HAUS3: variants seen among roughly 807,000 people sequenced by gnomAD.
HAUS3 encodes HAUS augmin-like complex subunit 3.
HAUS3 carries 36 observed loss-of-function variants against 55.2 expected under a neutral mutation model. That is an observed-to-expected ratio of 0.65 (90% CI 0.50 to 0.86). HAUS3 has a LOEUF of 0.86. Among genes scored for constraint, HAUS3 ranks in the 40% least tolerant of loss-of-function variants. HAUS3 has a pLI of 0.00. For synonymous variants in HAUS3, 234 were observed against 238.6 expected (o/e 0.98, Z 0.18); for missense variants, 752 against 671.5 (o/e 1.12, Z -1.33).
intron 1 of HAUS3, 97 bp downstream of exon 1, chr4:2,241,954 G>C: frequency 1.0e-6 from 1 of 985,524 alleles, no homozygotes; most frequent in Non-Finnish European, 1.2e-6. Flanking sequence ...CCCCAGGAGC[G>C]CAGGAAAAAA....
At position 2,240,632 on chromosome 4, in the gene HAUS3, C is replaced by G. The variant is rs1734948833; in HGVS notation, c.315G>C (p.Glu105Asp). Residue 105 changes from glutamate to aspartate, a missense_variant, in exon 3 of 6, where the codon GAG (glutamate) becomes GAC (aspartate). By Grantham distance (45) the Glu-to-Asp change is conservative. Transcript: ENST00000443786. ...DDKELEKLEDEVQTLLKLKNL... is the reference protein window; with the variant it reads ...DDKELEKLEDDVQTLLKLKNL... ...TCTTTAATTTCAGTAGAGTTTGAAC[C>G]TCATCCTCTAATTTCTCCAGCTCTT... is the stretch of plus-strand genomic sequence containing the variant. 1 of 1,613,540 alleles carries G rather than the reference C, an allele frequency of 6.2e-7. No individual in the cohort carries two copies. Among genetic ancestry groups the G allele is most frequent in the Admixed American group, 1.7e-5 (1 of 59,904 alleles).
chr4:2,230,361 T>C lies in HAUS3; in HGVS notation c.*1566A>G, dbSNP rs1734537022. On this transcript the variant is annotated 3_prime_UTR_variant, in exon 6 of 6. Coordinates refer to ENST00000443786, the MANE Select transcript of HAUS3 (RefSeq NM_001303143.2). ...ATATGTGACACTAATTTAAACAGAA[T>C]ATGCTACCATAAACCAGGAAACCAG... The C allele has an allele frequency of 6.6e-6, 1 of 152,062 alleles. No homozygotes were observed. The highest frequency in any genetic ancestry group is 1.5e-5 in the Non-Finnish European group (1 of 67,994). The allele number at this position is 152,062 out of a possible 1,614,324, so 9.4% of individuals were successfully genotyped here.
chr4:2,232,946 C>T (rs1734635234), intron 5 of HAUS3, among the ~76,000 whole-genome samples: 1 of 152,118 alleles, frequency 6.6e-6, no homozygotes, highest in Non-Finnish European at 1.5e-5. Flanking sequence ...TCATAATTAT[C>T]TGAGGTACTT....
At position 2,238,997 on chromosome 4, in the gene HAUS3, C is replaced by T. The variant is rs139798656; in HGVS notation, c.956G>A (p.Ser319Asn). The change falls in exon 4 of 6, where the codon AGT becomes AAT. Residue 319 changes from serine (S) to asparagine (N), a missense_variant. Coordinates refer to ENST00000443786, the MANE Select transcript of HAUS3 (RefSeq NM_001303143.2). ...NLDAKISSLT[S>N]EIMKLEKEVT... ...CTCTTTTTCAAGTTTCATAATCTCACTGGTCAAGCTAGAAATTTTAGCATC... is the reference window on the plus strand; with the variant it reads ...CTCTTTTTCAAGTTTCATAATCTCATTGGTCAAGCTAGAAATTTTAGCATC... The T allele has an allele frequency of 3.0e-4, 471 of 1,557,174 alleles. No homozygotes were observed. The highest frequency in any genetic ancestry group is 3.7e-4 in the Non-Finnish European group (425 of 1,157,698).
rs564216629 is a variant in HAUS3 at position 2,240,196 on chromosome 4, T to C, written c.751A>G (p.Asn251Asp). ...LDIQTPSICDNQEILEERRLE... is the reference protein window; with the variant it reads ...LDIQTPSICDDQEILEERRLE... ...CGTCTCTCCTCAAGGATTTCTTGAT[T>C]ATCACAAATAGATGGTGTCTGTATA... The change falls in exon 3 of 6, where the codon AAT (asparagine) becomes GAT (aspartate). Residue 251 changes from asparagine (N) to aspartate (D), a missense_variant. Coordinates refer to ENST00000443786, the MANE Select transcript of HAUS3 (RefSeq NM_001303143.2). The C allele has an allele frequency of 1.2e-6, 2 of 1,614,104 alleles. No individual in the cohort carries two copies. Among genetic ancestry groups the C allele is most frequent in the South Asian group, 1.1e-5 (1 of 91,066 alleles).
rs367804484 is a variant in HAUS3, at chr4:2,240,422, T to C, written c.525A>G (p.Gln175=). 1.7e-5 allele frequency: 27 copies of C among 1,613,628 alleles called. No homozygotes were observed. In the African/African-American group the frequency reaches 3.1e-4, roughly 18 times the overall value. The change falls in exon 3 of 6, where the codon CAA becomes CAG. Residue 175 remains glutamine, a synonymous_variant. Coordinates refer to ENST00000443786, the MANE Select transcript of HAUS3 (RefSeq NM_001303143.2). ...TAGAATGTCTGAAGAACATCATCAA[T>C]TGTGTAACTTCATCAGTAAGAGCCT... ...ELQALTDEVT[Q]LMMFFRHSNL...
rs554653835 is a variant in HAUS3, at chr4:2,236,567, T to C, written c.1350-111A>G. 673 of 737,806 alleles carry C rather than the reference T, an allele frequency of 9.1e-4. 1 individual carries two copies. The highest frequency in any genetic ancestry group is 1.1e-3 in the Non-Finnish European group (507 of 446,978). 45.7% of individuals were successfully genotyped at this position (737,806 alleles called of 1,614,324 possible). A position where few individuals can be genotyped will look rare whatever the true frequency, so the allele number is the denominator to read the frequency against. ...GTGGGGATAGCTAAGTAACAACTTA[T>C]AAAAATATTGGCCGGGTACAGTAGC... On this transcript the variant is annotated intron_variant, in intron 4 of 5. Coordinates refer to ENST00000443786, the MANE Select transcript of HAUS3 (RefSeq NM_001303143.2).
In HAUS3 at chr4:2,230,518, TAAAC is replaced by T. The variant is rs1194088461; in HGVS notation, c.*1405_*1408del. The T allele has an allele frequency of 2.0e-5, 3 of 152,130 alleles. No individual in the cohort carries two copies. Among genetic ancestry groups the T allele is most frequent in the African/African-American group, 7.2e-5 (3 of 41,434 alleles). The allele number at this position is 152,130 out of a possible 1,614,324, so 9.4% of individuals were successfully genotyped here. ...TGATAGGGAGCTGATAGCAAAATCT[TAAAC>T]AAAATTTACTGCTACAAAATTAAGG... On this transcript the variant is annotated 3_prime_UTR_variant, in exon 6 of 6. Transcript: ENST00000443786.
At position 2,228,947 on chromosome 4, in the gene HAUS3, G is replaced by T; in HGVS notation, c.*2980C>A. ...GAAGGTTAAGGGAACACGAAAGTTA[G>T]CAAGCAGAAGCTCAGTCTGCACTGA... is the stretch of plus-strand genomic sequence containing the variant. On this transcript the variant is annotated 3_prime_UTR_variant, in exon 6 of 6. Coordinates refer to ENST00000443786, the MANE Select transcript of HAUS3 (RefSeq NM_001303143.2). 1 of 602,120 alleles carries T rather than the reference G, an allele frequency of 1.7e-6. No homozygotes were observed. The highest frequency in any genetic ancestry group is 2.7e-6 in the Non-Finnish European group (1 of 366,632). 37.3% of individuals were successfully genotyped at this position (602,120 alleles called of 1,614,324 possible).
At position 2,240,077 on chromosome 4, in the gene HAUS3, T is replaced by A. The variant is rs973820661; in HGVS notation, c.870A>T (p.Ile290=). Residue 290 remains isoleucine, a synonymous_variant, in exon 3 of 6, where the codon ATA becomes ATT. Coordinates refer to ENST00000443786, the MANE Select transcript of HAUS3 (RefSeq NM_001303143.2). ...KASNSSMKSS[I]KWAEESLHSL... ...TGTGAAGACTCTCCTCTGCCCATTTTATACTTGACTTCATGCTCGAATTAC... is the reference window on the plus strand; with the variant it reads ...TGTGAAGACTCTCCTCTGCCCATTTAATACTTGACTTCATGCTCGAATTAC... 4.3e-6 allele frequency: 7 copies of A among 1,613,920 alleles called. No homozygotes were observed. The African/African-American group carries it at 6.7e-5, about 15-fold the overall frequency.
chr4:2,233,204 C>T (rs1734645430), intron 5 of HAUS3, among the ~76,000 whole-genome samples: 1 of 152,102 alleles, frequency 6.6e-6, no homozygotes, highest in Non-Finnish European at 1.5e-5. Context: ...ACTTGGTAAA[C>T]TTGAATATAC....
Position 2,232,083 on chromosome 4 carries a change from A to G in HAUS3, c.1656T>C (p.Asp552=), listed in dbSNP as rs758372334. ...CCAAAGTTTTTCTTTTTGTCTTCAC[A>G]TCAGCAAGAATATCAGTGAGGAGAT... is the stretch of plus-strand genomic sequence containing the variant. The part of the protein sequence containing the change: ...LNHLLTDILA[D]VKTKRKTLAN... Residue 552 remains aspartate, a synonymous_variant, in exon 6 of 6, where the codon GAT becomes GAC. Coordinates refer to ENST00000443786, the MANE Select transcript of HAUS3 (RefSeq NM_001303143.2). 1.2e-6 allele frequency: 2 copies of G among 1,604,168 alleles called. No individual in the cohort carries two copies. The highest frequency in any genetic ancestry group is 8.5e-7 in the Non-Finnish European group (1 of 1,174,952).
chr4:2,239,155 A>T (rs1441074834), intron 3 of HAUS3, 112 bp from the exon 4 acceptor site: 1 of 544,526 alleles, frequency 1.8e-6, no homozygotes. Flanking sequence ...CAATGAATGA[A>T]AACTAATTTA....
chr4:2,236,147 T>A, intron 5 of HAUS3, 81 bp downstream of exon 5: 1 of 767,652 alleles, frequency 1.3e-6, no homozygotes, highest in Non-Finnish European at 2.1e-6. Flanking sequence ...AATATTTTCC[T>A]CATGTTAACA....
Position 2,236,389 on chromosome 4 carries a change from C to T in HAUS3, c.1417G>A (p.Glu473Lys), listed in dbSNP as rs1375024051. 4 of 1,613,602 alleles carry T rather than the reference C, an allele frequency of 2.5e-6. No homozygotes were observed. In the East Asian group the frequency reaches 6.7e-5, roughly 27 times the overall value. Reference protein sequence around the residue: ...ELFLTHGNLEEVAEKLKQNIS... With the variant: ...ELFLTHGNLEKVAEKLKQNIS... ...TTCTGTTTCAATTTCTCAGCCACTT[C>T]CTCAAGGTTTCCATGAGTTAGAAAC... The change falls in exon 5 of 6, where the codon GAA (glutamate) becomes AAA (lysine). Residue 473 changes from glutamate to lysine, a missense_variant. Glu to Lys is a moderately conservative substitution (Grantham distance 56). Transcript: ENST00000443786.
At chr4:2,233,424 G>T (rs141077701) in intron 5 of HAUS3, among the ~76,000 whole-genome samples, 2 of 144,766 alleles carry the variant, frequency 1.4e-5, no homozygotes, top group Non-Finnish European at 3.0e-5. Flanking sequence ...ATATTTTAGT[G>T]ATTCTTGGAT....
rs370285116 is a variant in HAUS3 at position 2,229,153 on chromosome 4, C to A, written c.*2774G>T. ...TCCACTAAATCACCTGAATGCATAG[C>A]AGACATAATCTTCTGAGCAACACTG... On this transcript the variant is annotated 3_prime_UTR_variant, in exon 6 of 6. Transcript: ENST00000443786. 1 of 1,610,654 alleles carries A rather than the reference C, an allele frequency of 6.2e-7. No individual in the cohort carries two copies. The highest frequency in any genetic ancestry group is 1.3e-5 in the African/African-American group (1 of 74,832).
In HAUS3 at chr4:2,240,545, A is replaced by G; in HGVS notation, c.402T>C (p.Ser134=). 6.2e-7 allele frequency: 1 copy of G among 1,613,640 alleles called. No homozygotes were observed. The highest frequency in any genetic ancestry group is 1.7e-4 in the Middle Eastern group (1 of 6,060). ...QLMASVTSHK[S]LRLNAKEEEA... ...CTTCTTCTTTAGCATTTAACCTCAG[A>G]GATTTGTGGCTAGTTACTGAAGCCA... Residue 134 remains serine (S), a synonymous_variant, in exon 3 of 6, where the codon TCT becomes TCC. Transcript: ENST00000443786.
At chr4:2,241,189 G>A in intron 2 of HAUS3, 96 bp from the exon 3 acceptor site, 1 of 404,858 alleles carries the variant, frequency 2.5e-6, no homozygotes, top group Non-Finnish European at 4.3e-6. Flanking sequence ...CCGAGAGCGG[G>A]ATAAATGACA....
Sources: allele counts gnomAD v4.1 joint callset (sites outside exome capture counted in the v4.1 genomes callset), GRCh38; gene constraint gnomAD v4.1.1; transcripts MANE v1.5; gene names NCBI Gene and HGNC (gene_info 2026-07-23, HGNC 2026-07-21).